The following KAT6B variants were observed in gnomAD, a reference collection of about 807,000 sequenced individuals.
KAT6B encodes the protein lysine acetyltransferase 6B.
Under a neutral mutation model 187.5 loss-of-function variants are expected in KAT6B, and 10 were observed. That is an observed-to-expected ratio of 0.05 (90% CI 0.03 to 0.09). The LOEUF (loss-of-function observed/expected upper bound fraction) is 0.09. KAT6B is among the 10% of genes least tolerant of loss of function. The pLI is 1.00. For missense variants in KAT6B, 1,952 were observed against 2,558.9 expected (o/e 0.76, Z 5.12); for synonymous variants, 861 against 926.8 (o/e 0.93, Z 1.29).
At chr10:74,917,581 G>A (rs1847784759) in intron 3 of KAT6B, among the ~76,000 whole-genome samples, 1 of 152,226 alleles carries the variant, frequency 6.6e-6, no homozygotes, top group Admixed American at 6.5e-5. Context: ...GAATGGATGA[G>A]ACATGGCCCT....
intron 3 of KAT6B, among the ~76,000 whole-genome samples, chr10:74,865,730 G>A (rs1386971179): frequency 6.6e-6 from 1 of 152,078 alleles, no homozygotes; most frequent in African/African-American, 2.4e-5. Flanking sequence ...TGCCCAGGCT[G>A]GTCTTGAACT....
intron 3 of KAT6B, among the ~76,000 whole-genome samples, chr10:74,845,147 A>C (rs1197699867): frequency 6.6e-6 from 1 of 151,934 alleles, no homozygotes; most frequent in Non-Finnish European, 1.5e-5. Flanking sequence ...TGAGCATGGG[A>C]GGTAGAGGCT....
intron 3 of KAT6B, among the ~76,000 whole-genome samples, chr10:74,880,345 T>A (rs1214015134): frequency 1.3e-5 from 2 of 152,232 alleles, no homozygotes; most frequent in Admixed American, 6.5e-5. Flanking sequence ...TTTTTAAAAA[T>A]CACTGGCTTC....
At chr10:75,000,464 G>A (rs371830874) in intron 13 of KAT6B, among the ~76,000 whole-genome samples, 2 of 151,988 alleles carry the variant, frequency 1.3e-5, no homozygotes, top group Admixed American at 1.3e-4. Flanking sequence ...GAACTATAAG[G>A]GTTCTAAATC....
At chr10:74,861,754 C>T (rs945502833) in intron 3 of KAT6B, among the ~76,000 whole-genome samples, 7 of 152,122 alleles carry the variant, frequency 4.6e-5, no homozygotes, top group Non-Finnish European at 1.0e-4. Flanking sequence ...TGCCTTTTTA[C>T]TGTTTATAAT....
chr10:74,911,754 G>T (rs1183381967), intron 3 of KAT6B, among the ~76,000 whole-genome samples: 1 of 151,998 alleles, frequency 6.6e-6, no homozygotes, highest in Non-Finnish European at 1.5e-5. Flanking sequence ...ACATTTTCTA[G>T]AATGTTAGTG....
chr10:74,834,019 C>T (rs896353064), intron 1 of KAT6B, among the ~76,000 whole-genome samples: 1 of 152,172 alleles, frequency 6.6e-6, no homozygotes, highest in Non-Finnish European at 1.5e-5. Context: ...CTTTCAATCA[C>T]CCTTCCCTCC....
intron 13 of KAT6B, among the ~76,000 whole-genome samples, chr10:74,997,845 C>T (rs1414451046): frequency 6.6e-6 from 1 of 151,920 alleles, no homozygotes; most frequent in African/African-American, 2.4e-5. Flanking sequence ...GGGACAGTGG[C>T]TCACGCCTGT....
chr10:74,915,136 T>G (rs530189216), intron 3 of KAT6B, among the ~76,000 whole-genome samples: 5 of 152,232 alleles, frequency 3.3e-5, no homozygotes, highest in Admixed American at 3.3e-4. Context: ...TGCTCTTACT[T>G]TGGCAAAAAT....
chr10:75,013,059 G>A lies in KAT6B; in HGVS notation c.2630-7523G>A, dbSNP rs116022082. Reference sequence around the variant, plus strand: ...ACAGGCTGGTATGTGACCCAGGGCAGCCAGCCTCCTTCCCCAAAGACATGC... The same window carrying A: ...ACAGGCTGGTATGTGACCCAGGGCAACCAGCCTCCTTCCCCAAAGACATGC... On this transcript the variant is annotated intron_variant, in intron 13 of 17. Coordinates refer to ENST00000287239, the MANE Select transcript of KAT6B (RefSeq NM_012330.4). Among the ~76,000 whole-genome samples, 918 of 152,248 alleles carry A rather than the reference G, an allele frequency of 6.0e-3. 5 individuals are homozygous for A. Among genetic ancestry groups the A allele is most frequent in the African/African-American group, 0.021 (856 of 41,548 alleles).
chr10:74,848,242 G>C (rs143228437), intron 3 of KAT6B, among the ~76,000 whole-genome samples: 149 of 152,268 alleles, frequency 9.8e-4, no homozygotes, highest in African/African-American at 3.4e-3. Flanking sequence ...CTATGGCTAG[G>C]GTCTATAGCA....
chr10:74,927,845 C>T (rs2133133372), intron 3 of KAT6B, among the ~76,000 whole-genome samples: 1 of 152,302 alleles, frequency 6.6e-6, no homozygotes, highest in Admixed American at 6.5e-5. Flanking sequence ...GTGTGACTCT[C>T]CAGTGCTTCT....
chr10:75,019,938 G>A (rs896135664), intron 13 of KAT6B, among the ~76,000 whole-genome samples: 1 of 152,070 alleles, frequency 6.6e-6, no homozygotes. Flanking sequence ...CAATATTCTG[G>A]GATTGGATTG....
At chr10:74,941,301 TAATG>T (rs894421555) in intron 3 of KAT6B, among the ~76,000 whole-genome samples, 1 of 152,200 alleles carries the variant, frequency 6.6e-6, no homozygotes, top group Non-Finnish European at 1.5e-5. Context: ...ATTAGAATAA[TAATG>T]GTAATGACAG....
intron 3 of KAT6B, among the ~76,000 whole-genome samples, chr10:74,869,566 G>C (rs1180293523): frequency 6.6e-6 from 1 of 152,178 alleles, no homozygotes; most frequent in African/African-American, 2.4e-5. Context: ...GATTACAGGC[G>C]TGAGCCACCA....
At chr10:74,971,871 T>C (rs539323441) in intron 6 of KAT6B, among the ~76,000 whole-genome samples, 68 of 152,234 alleles carry the variant, frequency 4.5e-4, no homozygotes, top group Middle Eastern at 3.4e-3. Context: ...AGCTATTTGT[T>C]CTATCATGCT....
intron 3 of KAT6B, among the ~76,000 whole-genome samples, chr10:74,893,117 GTC>G (rs1251293284): frequency 2.0e-5 from 3 of 152,232 alleles, no homozygotes; most frequent in Non-Finnish European, 2.9e-5. Flanking sequence ...TGAGAGCTGA[GTC>G]AAAGGGCACC....
At chr10:75,024,612 T>A (rs1183571424) in intron 16 of KAT6B, among the ~76,000 whole-genome samples, 1 of 152,208 alleles carries the variant, frequency 6.6e-6, no homozygotes, top group African/African-American at 2.4e-5. Flanking sequence ...GTGATGACCT[T>A]AAATGTCTGT....
chr10:74,919,684 A>G (rs115693424), intron 3 of KAT6B, among the ~76,000 whole-genome samples: 5,285 of 152,280 alleles, frequency 0.035, 305 homozygotes, highest in African/African-American at 0.12. Flanking sequence ...ATTAACAGGC[A>G]TGAGCCACCA....
Sources: allele counts gnomAD v4.1 joint callset (sites outside exome capture counted in the v4.1 genomes callset), GRCh38; gene constraint gnomAD v4.1.1; transcripts MANE v1.5; gene names NCBI Gene and HGNC (gene_info 2026-07-23, HGNC 2026-07-21).